Variants in GABPB2 observed in about 807,000 individuals in gnomAD.
GABPB2 encodes GA-binding protein subunit beta-2.
A neutral mutation model predicts 39.1 loss-of-function variants in GABPB2; 23 were observed. That is an observed-to-expected ratio of 0.59 (90% confidence interval 0.42 to 0.83). GABPB2 has a LOEUF of 0.83. Among genes scored for constraint, GABPB2 ranks in the 40% least tolerant of loss-of-function variants. GABPB2 has a pLI of 0.00. For missense variants in GABPB2, 467 were observed against 541.1 expected (o/e 0.86, Z 1.36); for synonymous variants, 184 against 199.3 (o/e 0.92, Z 0.65).
intron 1 of GABPB2, among the ~76,000 whole-genome samples, chr1:151,075,464 C>T (rs925355617): frequency 6.8e-6 from 1 of 146,166 alleles, no homozygotes; most frequent in African/African-American, 2.5e-5. Context: ...CTCGGGAGGC[C>T]GAGGCAGGAG....
At chr1:151,107,382 T>G (rs1351734082) in intron 7 of GABPB2, among the ~76,000 whole-genome samples, 160 bp downstream of exon 7, 1 of 152,086 alleles carries the variant, frequency 6.6e-6, no homozygotes, top group Admixed American at 6.6e-5. Context: ...GGAACCAGAC[T>G]GGCAAAAGCT....
Position 151,124,796 on chromosome 1 carries a change from C to T in GABPB2, c.*6540C>T, listed in dbSNP as rs960195221. 6.6e-6 allele frequency: 1 copy of T among 152,030 alleles called. No individual in the cohort carries two copies. The highest frequency in any genetic ancestry group is 1.5e-5 in the Non-Finnish European group (1 of 67,998). 9.4% of individuals were successfully genotyped at this position (152,030 alleles called of 1,614,324 possible). A position where few individuals can be genotyped will look rare whatever the true frequency, so the allele number is the denominator to read the frequency against. On this transcript the variant is annotated 3_prime_UTR_variant, in exon 9 of 9. Coordinates refer to ENST00000368918, the MANE Select transcript of GABPB2 (RefSeq NM_144618.3). ...CCCCTTCTGAGTAGTACTATTATTT[C>T]CTATGCCAATTTTTTTTAAGTCTCT...
chr1:151,105,906 T>C (rs1401818987), intron 6 of GABPB2, among the ~76,000 whole-genome samples: 3 of 152,220 alleles, frequency 2.0e-5, no homozygotes, highest in Non-Finnish European at 4.4e-5. Context: ...GTGAATTCAC[T>C]ATTAAATATC....
At chr1:151,088,158 C>A in intron 1 of GABPB2, 32 bp from the exon 2 acceptor site, 1 of 1,491,028 alleles carries the variant, frequency 6.7e-7, no homozygotes, top group Non-Finnish European at 9.4e-7. Flanking sequence ...CGAGTTATAG[C>A]TACCTGAAAA....
intron 1 of GABPB2, 53 bp from the exon 2 acceptor site, chr1:151,088,137 T>C (rs1678356280): frequency 7.9e-7 from 1 of 1,269,986 alleles, no homozygotes; most frequent in Non-Finnish European, 1.1e-6. Flanking sequence ...ATTGGCGGCT[T>C]TCCTTATGTT....
Position 151,103,619 on chromosome 1 carries a change from C to T in GABPB2, c.680C>T (p.Thr227Ile). The change falls in exon 6 of 9, where the codon ACC (threonine) becomes ATC (isoleucine). Residue 227 changes from threonine (T) to isoleucine (I), a missense_variant. Transcript: ENST00000368918. ...AATTCTACCACCTCAGTGCTGGCTA[C>T]CCTTGCAGCTCTTGCTGAGGCATCA... ...FSNSTTSVLA[T>I]LAALAEASVP... is the part of the protein sequence containing the mutation. 1.9e-6 allele frequency: 3 copies of T among 1,614,158 alleles called. No individual in the cohort carries two copies. The highest frequency in any genetic ancestry group is 1.1e-5 in the South Asian group (1 of 91,086).
chr1:151,091,578 G>A (rs1182296510), intron 3 of GABPB2, among the ~76,000 whole-genome samples: 3 of 149,720 alleles, frequency 2.0e-5, no homozygotes, highest in Non-Finnish European at 4.4e-5. Context: ...GGGTTCAAGC[G>A]ATTCTCCTAC....
rs1281799940 is a variant in GABPB2 at position 151,122,078 on chromosome 1, G to C, written c.*3822G>C. ...TTTGCTGCAGTGTTACAGAGGAGCA[G>C]AATCACTTGGGTCTCAAAATAGACT... On this transcript the variant is annotated 3_prime_UTR_variant, in exon 9 of 9. Coordinates refer to ENST00000368918, the MANE Select transcript of GABPB2 (RefSeq NM_144618.3). 1 of 152,188 alleles carries C rather than the reference G, an allele frequency of 6.6e-6. No individual in the cohort carries two copies. Among genetic ancestry groups the C allele is most frequent in the Non-Finnish European group, 1.5e-5 (1 of 68,038 alleles). The allele number at this position is 152,188 out of a possible 1,614,324, so 9.4% of individuals were successfully genotyped here.
chr1:151,109,204 A>G (rs949809597), intron 7 of GABPB2, among the ~76,000 whole-genome samples: 6 of 151,438 alleles, frequency 4.0e-5, no homozygotes, highest in Admixed American at 2.0e-4. Flanking sequence ...TAAAAAATAA[A>G]AATGTATATT....
At chr1:151,111,308 A>G (rs1458568713) in intron 7 of GABPB2, among the ~76,000 whole-genome samples, 1 of 151,322 alleles carries the variant, frequency 6.6e-6, no homozygotes, top group Non-Finnish European at 1.5e-5. Flanking sequence ...CAGTGGCGCA[A>G]TCTCGGCTCA....
Position 151,081,569 on chromosome 1 carries a change from G to A in GABPB2, c.1-6621G>A, listed in dbSNP as rs587695361. The stretch of plus-strand genomic sequence containing the variant: ...AAAAAATGGTGAGAACAAGAGCATT[G>A]TTTTATATATTTTTTCAACTCTCTT... On this transcript the variant is annotated intron_variant, in intron 1 of 8. Coordinates refer to ENST00000368918, the MANE Select transcript of GABPB2 (RefSeq NM_144618.3). 4.6e-5 allele frequency among the ~76,000 whole-genome samples: 7 copies of A among 152,054 alleles called. No individual in the cohort carries two copies. In the South Asian group the frequency reaches 1.4e-3, roughly 31 times the overall value.
In GABPB2 at chr1:151,074,477, A is replaced by ATT. The variant is rs35884850; in HGVS notation, c.-1+3557_-1+3558dup. On this transcript the variant is annotated intron_variant, in intron 1 of 8. Coordinates refer to ENST00000368918, the MANE Select transcript of GABPB2 (RefSeq NM_144618.3). ...AGGCCCCCGCCACCATGCCCAGCTA[A>ATT]TTTTTTTTTTTTTTTGTATTTTTAG... Among the ~76,000 whole-genome samples, 366 of 135,640 alleles carry ATT rather than the reference A, an allele frequency of 2.7e-3. 2 individuals are homozygous for ATT. Among genetic ancestry groups the ATT allele is most frequent in the East Asian group, 9.6e-3 (43 of 4,486 alleles). The allele number at this position is 135,640 out of a possible 152,430, so 89.0% of individuals were successfully genotyped here.
intron 4 of GABPB2, among the ~76,000 whole-genome samples, chr1:151,095,899 C>G (rs144348575): frequency 6.6e-6 from 1 of 151,628 alleles, no homozygotes; most frequent in Admixed American, 6.6e-5. Context: ...CTGACTTGGT[C>G]GTGGGTGCCT....
intron 1 of GABPB2, among the ~76,000 whole-genome samples, chr1:151,078,952 G>A (rs1036231639): frequency 6.6e-6 from 1 of 151,934 alleles, no homozygotes; most frequent in East Asian, 1.9e-4. Flanking sequence ...GATTACAGTC[G>A]TGAGCCACTG....
chr1:151,078,872 A>C (rs947707463), intron 1 of GABPB2, among the ~76,000 whole-genome samples: 31 of 151,608 alleles, frequency 2.0e-4, no homozygotes, highest in Non-Finnish European at 3.4e-4. Context: ...GGATTTCACC[A>C]TGTTGGCCAG....
At chr1:151,093,618 T>G (rs116222163) in intron 4 of GABPB2, among the ~76,000 whole-genome samples, 1 of 148,910 alleles carries the variant, frequency 6.7e-6, no homozygotes, top group Non-Finnish European at 1.5e-5. Context: ...TTATATATAT[T>G]TTTTAATATA....
intron 7 of GABPB2, among the ~76,000 whole-genome samples, chr1:151,114,874 G>A (rs1327438640): frequency 1.3e-5 from 2 of 151,500 alleles, no homozygotes; most frequent in African/African-American, 4.9e-5. Context: ...GTCAGGCGTG[G>A]TGGCAGGCAC....
intron 7 of GABPB2, chr1:151,112,209 G>A (rs1414536583): frequency 1.1e-5 from 1 of 93,506 alleles, no homozygotes; most frequent in Non-Finnish European, 1.9e-5. Context: ...GGGCGACAGA[G>A]CGAGACTCCA....
intron 1 of GABPB2, among the ~76,000 whole-genome samples, chr1:151,075,526 T>C (rs1486035240): frequency 7.4e-6 from 1 of 135,458 alleles, no homozygotes; most frequent in Non-Finnish European, 1.5e-5. Flanking sequence ...ATTGTGCCAC[T>C]GCACTCTAGC....
Sources: allele counts gnomAD v4.1 joint callset (sites outside exome capture counted in the v4.1 genomes callset), GRCh38; gene constraint gnomAD v4.1.1; transcripts MANE v1.5; gene names NCBI Gene and HGNC (gene_info 2026-07-23, HGNC 2026-07-21).